Variants in ODAD2 observed in about 807,000 individuals in gnomAD.
ODAD2 encodes outer dynein arm-docking complex subunit 2.
A neutral mutation model predicts 106.8 loss-of-function variants in ODAD2; 89 were observed. The ratio of observed to expected loss-of-function variants is 0.83; its 90% CI spans 0.70 to 0.99. The LOEUF is 0.99. ODAD2 is among the 50% of genes least tolerant of loss of function. The pLI is 0.00. For missense variants in ODAD2, 1,168 were observed against 1,238.5 expected (o/e 0.94, Z 0.85); for synonymous variants, 404 against 436.2 (o/e 0.93, Z 0.92).
At chr10:27,989,410 G>A (rs1412361819) in intron 2 of ODAD2, among the ~76,000 whole-genome samples, 1 of 152,176 alleles carries the variant, frequency 6.6e-6, no homozygotes, top group Non-Finnish European at 1.5e-5. Flanking sequence ...TTCACAAAAT[G>A]TATATTTTCT....
At chr10:27,831,882 T>C (rs982619686) in intron 19 of ODAD2, among the ~76,000 whole-genome samples, 2 of 152,216 alleles carry the variant, frequency 1.3e-5, no homozygotes, top group African/African-American at 4.8e-5. Flanking sequence ...GTGGCTCCCC[T>C]CTCCCCTGCA....
At chr10:27,950,950 G>C (rs1471965848) in intron 10 of ODAD2, among the ~76,000 whole-genome samples, 3 of 152,150 alleles carry the variant, frequency 2.0e-5, no homozygotes, top group Non-Finnish European at 4.4e-5. Context: ...GCATTTTAAA[G>C]TGAGTATTTA....
At chr10:27,947,831 G>T (rs924369016) in intron 10 of ODAD2, among the ~76,000 whole-genome samples, 5 of 152,184 alleles carry the variant, frequency 3.3e-5, no homozygotes, top group Non-Finnish European at 7.3e-5. Flanking sequence ...CAGTGAAGAA[G>T]ACTGTCCCAT....
intron 17 of ODAD2, among the ~76,000 whole-genome samples, chr10:27,886,961 A>T (rs1842260798): frequency 6.6e-6 from 1 of 152,018 alleles, no homozygotes; most frequent in South Asian, 2.1e-4. Context: ...GAAAATGAGG[A>T]ATAAAAGGCT....
intron 2 of ODAD2, among the ~76,000 whole-genome samples, chr10:27,989,072 G>T (rs1850062648): frequency 6.6e-6 from 1 of 152,152 alleles, no homozygotes; most frequent in Non-Finnish European, 1.5e-5. Flanking sequence ...GAAAAGCAAA[G>T]AATAAATTCT....
chr10:27,848,166 A>C (rs934336144), intron 19 of ODAD2, among the ~76,000 whole-genome samples: 4 of 152,236 alleles, frequency 2.6e-5, no homozygotes, highest in Non-Finnish European at 5.9e-5. Context: ...ACCTGACTTT[A>C]AACTATACTA....
intron 19 of ODAD2, among the ~76,000 whole-genome samples, chr10:27,849,623 C>G (rs1056861566): frequency 2.0e-5 from 3 of 151,970 alleles, no homozygotes; most frequent in African/African-American, 7.2e-5. Flanking sequence ...CCATGGAAAA[C>G]TTAAAAAGAG....
chr10:27,989,139 GT>G (rs1197237287), intron 2 of ODAD2, among the ~76,000 whole-genome samples: 2 of 152,144 alleles, frequency 1.3e-5, no homozygotes, highest in African/African-American at 4.8e-5. Flanking sequence ...AGCCCTGCAG[GT>G]TCATTTTAGA....
intron 17 of ODAD2, among the ~76,000 whole-genome samples, chr10:27,868,559 T>C (rs942121349): frequency 2.6e-5 from 4 of 152,162 alleles, no homozygotes; most frequent in Non-Finnish European, 5.9e-5. Flanking sequence ...TAAGCCATCA[T>C]CCTCAGCGAA....
chr10:27,865,804 G>C (rs552286304), intron 17 of ODAD2, among the ~76,000 whole-genome samples: 4 of 152,218 alleles, frequency 2.6e-5, no homozygotes, highest in Non-Finnish European at 5.9e-5. Flanking sequence ...GGTGAAGGCA[G>C]GACACGAGTC....
At chr10:27,839,309 G>A (rs1435591026) in intron 19 of ODAD2, among the ~76,000 whole-genome samples, 1 of 152,156 alleles carries the variant, frequency 6.6e-6, no homozygotes, top group South Asian at 2.1e-4. Context: ...TGAAGGCAAT[G>A]GCTTCTGGCT....
At position 27,908,586 on chromosome 10, in the gene ODAD2, A is replaced by G. The variant is rs1194120151; in HGVS notation, c.2496-809T>C. Reference sequence around the variant, plus strand: ...TATATTAAACTCAAAGCAGATGAAAAAAGATAAAGGGCATCAAAATTCCTT... The same window carrying G: ...TATATTAAACTCAAAGCAGATGAAAGAAGATAAAGGGCATCAAAATTCCTT... On this transcript the variant is annotated intron_variant, in intron 16 of 19. Coordinates refer to ENST00000305242, the MANE Select transcript of ODAD2 (RefSeq NM_018076.5). Among the ~76,000 whole-genome samples, 4 of 152,206 alleles carry G rather than the reference A, an allele frequency of 2.6e-5. No homozygotes were observed. The East Asian group carries it at 7.7e-4, about 29-fold the overall frequency.
At chr10:27,972,408 T>G (rs1481811788) in intron 7 of ODAD2, among the ~76,000 whole-genome samples, 1 of 152,148 alleles carries the variant, frequency 6.6e-6, no homozygotes, top group African/African-American at 2.4e-5. Flanking sequence ...AGTAGCAAGA[T>G]AGTAAATTTA....
chr10:27,831,100 A>G (rs901076415), intron 19 of ODAD2, among the ~76,000 whole-genome samples: 2 of 152,168 alleles, frequency 1.3e-5, no homozygotes, highest in African/African-American at 2.4e-5. Context: ...CTGGAGGCCA[A>G]CGGCCCAGGA....
intron 10 of ODAD2, among the ~76,000 whole-genome samples, chr10:27,948,525 C>T (rs1048003352): frequency 2.4e-4 from 37 of 152,122 alleles, no homozygotes; most frequent in African/African-American, 8.2e-4. Context: ...CAAATACACT[C>T]CTTTTTCAAT....
intron 16 of ODAD2, among the ~76,000 whole-genome samples, chr10:27,921,483 G>C (rs1265081947): frequency 6.6e-6 from 1 of 150,724 alleles, no homozygotes; most frequent in African/African-American, 2.4e-5. Flanking sequence ...GAACAGTAGA[G>C]ACTAAATAAC....
intron 16 of ODAD2, among the ~76,000 whole-genome samples, chr10:27,919,601 T>G (rs934587438): frequency 1.3e-5 from 2 of 152,094 alleles, no homozygotes; most frequent in African/African-American, 4.8e-5. Flanking sequence ...AAATCTACAA[T>G]GACATACCAT....
In ODAD2 at chr10:27,883,357, T is replaced by A. The variant is rs113539167; in HGVS notation, c.2611-20735A>T. Among the ~76,000 whole-genome samples, 1,220 of 152,178 alleles carry A rather than the reference T, an allele frequency of 8.0e-3. 20 individuals are homozygous for A. The highest frequency in any genetic ancestry group is 0.028 in the African/African-American group (1,165 of 41,536). ...ATTTTACAGAATTAGCCCAAGATAG[T>A]TAATAACAAAATAAACAATAGCAAA... On this transcript the variant is annotated intron_variant, in intron 17 of 19. Transcript: ENST00000305242.
intron 17 of ODAD2, among the ~76,000 whole-genome samples, chr10:27,873,936 G>A (rs59741264): frequency 0.043 from 6,606 of 152,094 alleles, 461 homozygotes; most frequent in African/African-American, 0.15. Context: ...TCGTTGATCC[G>A]TCTAATGTTG....
Sources: gnomAD v4.1 joint callset for allele counts (sites outside exome capture counted in the v4.1 genomes callset) on GRCh38, gnomAD v4.1.1 for gene constraint, MANE v1.5 for transcripts, NCBI Gene and HGNC (gene_info 2026-07-23, HGNC 2026-07-21) for gene names.